Variants in MADCAM1 observed in about 807,000 individuals in gnomAD.
The protein encoded by MADCAM1 is mucosal vascular addressin cell adhesion molecule 1.
Under a neutral mutation model 26.1 loss-of-function variants are expected in MADCAM1, and 19 were observed. The ratio of observed to expected loss-of-function variants is 0.73; its 90% CI spans 0.51 to 1.07. MADCAM1 has a LOEUF of 1.07. Among genes scored for constraint, MADCAM1 ranks in the 50% least tolerant of loss-of-function variants. The probability of loss-of-function intolerance (pLI) is 0.00; values close to 1 mark genes in which losing one functional copy is unlikely to be tolerated. For synonymous variants in MADCAM1, 268 were observed against 260.9 expected (o/e 1.03, Z -0.26); for missense variants, 514 against 542.1 (o/e 0.95, Z 0.51).
chr19:499,147 C>T (rs1978304352), intron 3 of MADCAM1: 2 of 574,658 alleles, frequency 3.5e-6, no homozygotes. Flanking sequence ...CCTTTCTCCC[C>T]CTCCTCATTC....
At chr19:504,303 A>C (rs1233870816) in intron 4 of MADCAM1, among the ~76,000 whole-genome samples, 1 of 116,178 alleles carries the variant, frequency 8.6e-6, no homozygotes, top group Admixed American at 1.3e-4. Context: ...TCATTCTGTC[A>C]CCCAGGCTGG....
chr19:504,707 G>A, intron 4 of MADCAM1, 38 bp from the exon 5 acceptor site: 1 of 1,486,582 alleles, frequency 6.7e-7, no homozygotes, highest in Non-Finnish European at 9.3e-7. Flanking sequence ...CAGAGGCCTG[G>A]AGGGCTCTGA....
chr19:499,988 G>A (rs1978311746), intron 3 of MADCAM1: 1 of 448,932 alleles, frequency 2.2e-6, no homozygotes, highest in Non-Finnish European at 4.5e-6. Flanking sequence ...GGAGGTCTTT[G>A]TGGTGGGGGT....
Position 504,734 on chromosome 19 carries a change from T to A in MADCAM1, c.929-11T>A. 6.3e-7 allele frequency: 1 copy of A among 1,589,670 alleles called. No homozygotes were observed. Among genetic ancestry groups the A allele is most frequent in the Non-Finnish European group, 8.6e-7 (1 of 1,161,268 alleles). ...GGGCTCTGACCGGGGTCTCCTGCACTCTCTCCCCAGCGTCCAAACCTGCGG... is the reference window on the plus strand; with the variant it reads ...GGGCTCTGACCGGGGTCTCCTGCACACTCTCCCCAGCGTCCAAACCTGCGG... On this transcript the variant is annotated splice_polypyrimidine_tract_variant and intron_variant, in intron 4 of 4. Coordinates refer to ENST00000215637, the MANE Select transcript of MADCAM1 (RefSeq NM_130760.3).
At chr19:500,075 C>T (rs1245856190) in intron 3 of MADCAM1, 1 of 455,886 alleles carries the variant, frequency 2.2e-6, no homozygotes, top group Non-Finnish European at 4.4e-6. Flanking sequence ...GCCTCAGTCT[C>T]CCCATCAGTC....
At chr19:499,529 CAG>C (rs886135319) in intron 3 of MADCAM1, among the ~76,000 whole-genome samples, 10 of 152,146 alleles carry the variant, frequency 6.6e-5, no homozygotes, top group Non-Finnish European at 1.5e-4. Context: ...TGTACAAACA[CAG>C]GCACACAGGC....
chr19:498,888 G>A, intron 3 of MADCAM1, 63 bp downstream of exon 3: 3 of 1,461,102 alleles, frequency 2.1e-6, no homozygotes, highest in Non-Finnish European at 9.1e-7. Flanking sequence ...ACTTCGGGAC[G>A]GGGTGGGGGG....
chr19:498,831 T>A lies in MADCAM1; in HGVS notation c.667+6T>A. The A allele has an allele frequency of 8.0e-7, 1 of 1,243,198 alleles. No homozygotes were observed. 77.0% of individuals were successfully genotyped at this position (1,243,198 alleles called of 1,614,324 possible). ...CCACCGCCAGGCCATCCCCGGTGAG[T>A]CCGCTGGGTGCCCTGGAGACCCACC... On this transcript the variant is annotated splice_donor_region_variant and intron_variant, in intron 3 of 4. Coordinates refer to ENST00000215637, the MANE Select transcript of MADCAM1 (RefSeq NM_130760.3).
At chr19:498,946 C>G in intron 3 of MADCAM1, 121 bp downstream of exon 3, 1 of 1,343,208 alleles carries the variant, frequency 7.4e-7, no homozygotes, top group Non-Finnish European at 1.0e-6. Context: ...GACTGGATTC[C>G]CCCACGCAGC....
chr19:501,395 G>T, intron 3 of MADCAM1: 1 of 323,720 alleles, frequency 3.1e-6, no homozygotes, highest in East Asian at 5.0e-5. Context: ...TGAGGCAGGG[G>T]AATCGCTTGA....
chr19:502,024 G>C, intron 4 of MADCAM1, 95 bp downstream of exon 4: 1 of 1,300,704 alleles, frequency 7.7e-7, no homozygotes, highest in East Asian at 2.8e-5. Flanking sequence ...GCCCTGCCCA[G>C]CCTTGGTTTC....
At chr19:503,582 A>AAC (rs1978465572) in intron 4 of MADCAM1, among the ~76,000 whole-genome samples, 1 of 151,584 alleles carries the variant, frequency 6.6e-6, no homozygotes, top group South Asian at 2.1e-4. Flanking sequence ...CCGTCTCAAA[A>AAC]AAAAAAAAAA....
intron 3 of MADCAM1, chr19:499,297 TC>T (rs769344158): frequency 1.1e-5 from 5 of 458,464 alleles, no homozygotes; most frequent in Non-Finnish European, 1.7e-5. Flanking sequence ...TCTCTCCTCC[TC>T]CCCCTCAGGT....
Position 504,710 on chromosome 19 carries a change from G to T in MADCAM1, c.929-35G>T, listed in dbSNP as rs113593149. The T allele has an allele frequency of 7.3e-4, 1,099 of 1,505,870 alleles. 6 individuals carry two copies. In the African/African-American group the frequency reaches 0.013, roughly 18 times the overall value. The allele number at this position is 1,505,870 out of a possible 1,614,324, so 93.3% of individuals were successfully genotyped here. A position where few individuals can be genotyped will look rare whatever the true frequency, so the allele number is the denominator to read the frequency against. ...TTCCCAAGCCTGCAGAGGCCTGGAG[G>T]GCTCTGACCGGGGTCTCCTGCACTC... On this transcript the variant is annotated intron_variant, in intron 4 of 4. Transcript: ENST00000215637.
chr19:498,811 G>A lies in MADCAM1; in HGVS notation c.653G>A (p.Arg218His), dbSNP rs1006240646. The A allele has an allele frequency of 8.0e-7, 1 of 1,256,382 alleles. No individual in the cohort carries two copies. Among genetic ancestry groups the A allele is most frequent in the African/African-American group, 1.7e-5 (1 of 60,492 alleles). The allele number at this position is 1,256,382 out of a possible 1,614,324, so 77.8% of individuals were successfully genotyped here. ...CTGCCTGGCTTGGAGCTCAGCCACC[G>A]CCAGGCCATCCCCGGTGAGTCCGCT... ...MRLPGLELSHRQAIPVLHSPT... is the reference protein window; with the variant it reads ...MRLPGLELSHHQAIPVLHSPT... Residue 218 changes from arginine to histidine, a missense_variant, in exon 3 of 5, where the codon CGC becomes CAC. By Grantham distance (29) the Arg-to-His change is conservative. Coordinates refer to ENST00000215637, the MANE Select transcript of MADCAM1 (RefSeq NM_130760.3).
intron 1 of MADCAM1, 64 bp downstream of exon 1, chr19:496,615 G>T: frequency 9.3e-7 from 1 of 1,074,554 alleles, no homozygotes; most frequent in Admixed American, 5.2e-5. Context: ...AGAGAGGAGG[G>T]GGCTCAGGAG....
chr19:497,573 G>A (rs1017993284), intron 1 of MADCAM1, among the ~76,000 whole-genome samples: 1 of 151,644 alleles, frequency 6.6e-6, no homozygotes, highest in African/African-American at 2.4e-5. Flanking sequence ...GGGGCTCCGC[G>A]CGGCCCCCTG....
In MADCAM1 at chr19:504,778, C is replaced by G; in HGVS notation, c.962C>G (p.Ala321Gly). The G allele has an allele frequency of 6.2e-7, 1 of 1,609,724 alleles. No homozygotes were observed. The highest frequency in any genetic ancestry group is 1.7e-5 in the Admixed American group (1 of 59,976). Residue 321 changes from alanine (A) to glycine (G), a missense_variant, in exon 5 of 5, where the codon GCT becomes GGT. Physicochemically the swap from Ala to Gly is moderately conservative, Grantham distance 60 (BLOSUM62 0). Coordinates refer to ENST00000215637, the MANE Select transcript of MADCAM1 (RefSeq NM_130760.3). ...SKPAGDQLPA[A>G]LWTSSAVLGL... ...CCTGCGGGTGACCAGCTGCCCGCGG[C>G]TCTGTGGACCAGCAGTGCGGTGCTG...
rs1828583636 is a variant in MADCAM1 at position 504,902 on chromosome 19, G to A, written c.1086G>A (p.Leu362=). Residue 362 remains leucine, a synonymous_variant, in exon 5 of 5, where the codon CTG becomes CTA. Coordinates refer to ENST00000215637, the MANE Select transcript of MADCAM1 (RefSeq NM_130760.3). ...ACCCACCAGCTTCTCTGAGGCTTCT[G>A]CCCCAGGTGTCGGCCTGGGCTGGGT... is the stretch of plus-strand genomic sequence containing the variant. ...DTHPPASLRL[L]PQVSAWAGLR... 1.9e-6 allele frequency: 3 copies of A among 1,612,448 alleles called. No individual in the cohort carries two copies. Among genetic ancestry groups the A allele is most frequent in the Non-Finnish European group, 2.5e-6 (3 of 1,179,680 alleles).
Sources: allele counts gnomAD v4.1 joint callset (sites outside exome capture counted in the v4.1 genomes callset), GRCh38; gene constraint gnomAD v4.1.1; transcripts MANE v1.5; gene names NCBI Gene and HGNC (gene_info 2026-07-23, HGNC 2026-07-21).